The following STS variants were observed in gnomAD, a reference collection of about 807,000 sequenced individuals.
The protein encoded by STS is steroid sulfatase, also known as steryl-sulfatase.
STS carries 7 observed loss-of-function variants against 26.8 expected under a neutral mutation model. That is an observed-to-expected ratio of 0.26 (90% CI 0.15 to 0.49). The LOEUF (loss-of-function observed/expected upper bound fraction) is 0.49, where lower values mean the gene tolerates loss of function less well. Ranked by LOEUF, STS falls within the 20% of genes least tolerant of loss-of-function variation. STS has a pLI of 0.98. For missense variants in STS, 434 were observed against 465.6 expected, an observed-to-expected ratio of 0.93 and a Z score of 0.63; for synonymous variants, 199 against 189.4, an observed-to-expected ratio of 1.05 and a Z score of -0.42.
chrX:7,203,759 C>T (rs1448818499), intron 2 of STS, among the ~76,000 whole-genome samples: 1 of 109,960 alleles, frequency 9.1e-6, no homozygotes, highest in Non-Finnish European at 1.9e-5. Flanking sequence ...GCATATGAAA[C>T]ATACATATCC....
chrX:7,206,000 G>T (rs774152816), intron 2 of STS, among the ~76,000 whole-genome samples: 4 of 110,873 alleles, frequency 3.6e-5, no homozygotes, highest in African/African-American at 1.3e-4. Flanking sequence ...TGATTTGATT[G>T]TATGTAACCC....
intron 10 of STS, among the ~76,000 whole-genome samples, chrX:7,341,192 G>A (rs189974288): frequency 5.4e-5 from 6 of 111,914 alleles, no homozygotes; most frequent in African/African-American, 1.9e-4. Flanking sequence ...TTGCTTTTGA[G>A]TCTGTCTCCC....
At chrX:7,332,104 G>A (rs1226025969) in intron 9 of STS, among the ~76,000 whole-genome samples, 1 of 109,713 alleles carries the variant, frequency 9.1e-6, no homozygotes, top group Non-Finnish European at 1.9e-5. Context: ...ACTGATCTTG[G>A]CCAAGGCCGG....
chrX:7,174,672 G>C (rs1933531445), intron 1 of STS, among the ~76,000 whole-genome samples: 1 of 111,499 alleles, frequency 9.0e-6, no homozygotes, highest in Admixed American at 9.6e-5. Context: ...GCGTTCTTCA[G>C]CATCCCAAAT....
chrX:7,332,163 CAA>C (rs1313202123), intron 9 of STS, among the ~76,000 whole-genome samples: 1 of 96,292 alleles, frequency 1.0e-5, no homozygotes. Flanking sequence ...CAAATCGCTC[CAA>C]AAAAAAAAAA....
chrX:7,308,436 A>G (rs1275819189), intron 8 of STS, among the ~76,000 whole-genome samples: 2 of 111,539 alleles, frequency 1.8e-5, no homozygotes, highest in Non-Finnish European at 3.8e-5. Context: ...ATCCCGGGGA[A>G]GTTTCATGGG....
intron 2 of STS, among the ~76,000 whole-genome samples, chrX:7,251,909 T>C (rs1470865435): frequency 1.8e-5 from 2 of 111,145 alleles, no homozygotes; most frequent in East Asian, 5.7e-4. Flanking sequence ...TGCAGTGAGT[T>C]ATAATCACAC....
chrX:7,253,774 T>C (rs1481028383), intron 3 of STS, among the ~76,000 whole-genome samples: 1 of 112,099 alleles, frequency 8.9e-6, no homozygotes, highest in Non-Finnish European at 1.9e-5. Context: ...CTCCCTCTTC[T>C]AGCCCAGGCC....
At chrX:7,299,203 TA>T (rs1468463336) in intron 7 of STS, among the ~76,000 whole-genome samples, 1 of 94,585 alleles carries the variant, frequency 1.1e-5, no homozygotes, top group Non-Finnish European at 2.0e-5. Flanking sequence ...AATATATAAT[TA>T]TATAAAATAT....
In STS at chrX:7,212,088, C is replaced by T. The variant is rs765046811; in HGVS notation, c.-5+21080C>T. Among the ~76,000 whole-genome samples the T allele has an allele frequency of 3.3e-4, 37 of 111,613 alleles. 1 individual carries two copies. Among genetic ancestry groups the T allele is most frequent in the African/African-American group, 1.1e-3 (34 of 30,748 alleles). On this transcript the variant is annotated intron_variant, in intron 2 of 10. Coordinates refer to ENST00000674429, the MANE Select transcript of STS (RefSeq NM_001320752.2). Reference sequence around the variant, plus strand: ...TGCATAAGAGAAGAAATATAATATGCGCTGATATCCAGGTGTATGCAAGTG... The same window carrying T: ...TGCATAAGAGAAGAAATATAATATGTGCTGATATCCAGGTGTATGCAAGTG...
chrX:7,325,283 G>C (rs780462202), intron 8 of STS, 56 bp from the exon 9 acceptor site: 75 of 1,154,757 alleles, frequency 6.5e-5, no homozygotes, highest in Middle Eastern at 2.4e-4. Flanking sequence ...ATTGAAGTGA[G>C]CATTGAAAGG....
chrX:7,179,336 A>G (rs1474600176), intron 1 of STS, among the ~76,000 whole-genome samples: 1 of 110,316 alleles, frequency 9.1e-6, no homozygotes, highest in Non-Finnish European at 1.9e-5. Context: ...TTCTCATGAA[A>G]GTGGTAACCA....
intron 10 of STS, among the ~76,000 whole-genome samples, chrX:7,334,619 C>T (rs1927925105): frequency 8.9e-6 from 1 of 111,838 alleles, no homozygotes; most frequent in Non-Finnish European, 1.9e-5. Flanking sequence ...TCAAAACATT[C>T]CCCTCACTCT....
chrX:7,351,325 A>G lies in STS; in HGVS notation c.*1064A>G, dbSNP rs1928787240. The G allele has an allele frequency of 8.9e-6, 1 of 112,196 alleles. No individual in the cohort carries two copies. The highest frequency in any genetic ancestry group is 1.9e-5 in the Non-Finnish European group (1 of 53,283). 9.2% of individuals were successfully genotyped at this position (112,196 alleles called of 1,213,427 possible). A position where few individuals can be genotyped will look rare whatever the true frequency, so the allele number is the denominator to read the frequency against. ...TTTAGTTCTAGTTAGTCATCAGAGA[A>G]CAGTCATGTATGCAAGTTTTGTGAC... is the stretch of plus-strand genomic sequence containing the variant. On this transcript the variant is annotated 3_prime_UTR_variant, in exon 11 of 11. Coordinates refer to ENST00000674429, the MANE Select transcript of STS (RefSeq NM_001320752.2).
chrX:7,148,228 C>T lies in STS; in HGVS notation c.-134+145C>T, dbSNP rs1257162425. 1.3e-5 allele frequency: 5 copies of T among 372,689 alleles called. No homozygotes were observed. The Admixed American group carries it at 3.2e-4, about 24-fold the overall frequency. 30.7% of individuals were successfully genotyped at this position (372,689 alleles called of 1,213,427 possible). A position where few individuals can be genotyped will look rare whatever the true frequency, so the allele number is the denominator to read the frequency against. On this transcript the variant is annotated intron_variant, in intron 1 of 10. Coordinates refer to ENST00000674429, the MANE Select transcript of STS (RefSeq NM_001320752.2). ...CGCCCGGGGTCGCTCTGCGCACGCG[C>T]CTTCCGCGGCCCCTCGCCCGGCTCC...
intron 8 of STS, among the ~76,000 whole-genome samples, chrX:7,305,519 G>T (rs1179058680): frequency 8.9e-6 from 1 of 111,963 alleles, no homozygotes. Flanking sequence ...CAAACTTATG[G>T]GCTTAAAACA....
At chrX:7,272,572 A>G (rs1924335670) in intron 6 of STS, among the ~76,000 whole-genome samples, 1 of 112,057 alleles carries the variant, frequency 8.9e-6, no homozygotes, top group Non-Finnish European at 1.9e-5. Context: ...TCTAAACCAT[A>G]TGCAACATAA....
At chrX:7,237,294 C>G (rs1922367424) in intron 2 of STS, among the ~76,000 whole-genome samples, 1 of 108,673 alleles carries the variant, frequency 9.2e-6, no homozygotes, top group Non-Finnish European at 1.9e-5. Flanking sequence ...CAAACATGCA[C>G]ACACACACAA....
chrX:7,260,277 G>T (rs948095652), intron 6 of STS, among the ~76,000 whole-genome samples: 1 of 112,634 alleles, frequency 8.9e-6, no homozygotes, highest in Admixed American at 9.4e-5. Context: ...CCTTAGAAAG[G>T]TATTGCAATG....
Sources: gnomAD v4.1 joint callset for allele counts (sites outside exome capture counted in the v4.1 genomes callset) on GRCh38, gnomAD v4.1.1 for gene constraint, MANE v1.5 for transcripts, NCBI Gene and HGNC (gene_info 2026-07-23, HGNC 2026-07-21) for gene names.